ADGRG5: variants seen among roughly 807,000 people sequenced by gnomAD.
ADGRG5 encodes the protein adhesion G protein-coupled receptor G5.
ADGRG5 carries 37 observed loss-of-function variants against 53.2 expected under a neutral mutation model. The ratio of observed to expected loss-of-function variants is 0.70; its 90% CI spans 0.53 to 0.91. The LOEUF is 0.91. ADGRG5 is among the 40% of genes least tolerant of loss of function. ADGRG5 has a pLI of 0.00. For synonymous variants in ADGRG5, 277 were observed against 290.4 expected (o/e 0.95, Z 0.47); for missense variants, 614 against 675.8 (o/e 0.91, Z 1.01).
At position 57,563,312 on chromosome 16, in the gene ADGRG5, A is replaced by G. The variant is rs1353042120; in HGVS notation, c.297+65A>G. The G allele has an allele frequency of 4.9e-6, 7 of 1,436,250 alleles. No individual in the cohort carries two copies. The East Asian group carries it at 1.4e-4, about 28-fold the overall frequency. The allele number at this position is 1,436,250 out of a possible 1,614,324, so 89.0% of individuals were successfully genotyped here. On this transcript the variant is annotated intron_variant, in intron 4 of 11. Coordinates refer to ENST00000349457, the MANE Select transcript of ADGRG5 (RefSeq NM_001304376.3). ...GCCCTAGAAGTCCTCCAGGCATTTA[A>G]GGTCTGGACTTTCTTTAGGCTCCAC...
chr16:57,565,049 T>C lies in ADGRG5; in HGVS notation c.445T>C (p.Ser149Pro). 6.2e-7 allele frequency: 1 copy of C among 1,612,656 alleles called. No homozygotes were observed. The highest frequency in any genetic ancestry group is 1.1e-5 in the South Asian group (1 of 91,008). The stretch of plus-strand genomic sequence containing the variant: ...GCCCTTCCAGGATGAAAACAACTCA[T>C]CTCTGCTGAATAACTACGTCCTGGG... ...THFFKDENNS[S>P]LLNNYVLGAQ... is the part of the protein sequence containing the mutation. The change falls in exon 6 of 12, where the codon TCT (serine) becomes CCT (proline). Residue 149 changes from serine to proline, a missense_variant. By Grantham distance (74) the Ser-to-Pro change is moderately conservative (BLOSUM62 -1). Transcript: ENST00000349457.
chr16:57,562,850 G>A lies in ADGRG5; in HGVS notation c.141-241G>A, dbSNP rs1227671141. Among the ~76,000 whole-genome samples, 2 of 152,144 alleles carry A rather than the reference G, an allele frequency of 1.3e-5. 1 individual carries two copies. The highest frequency in any genetic ancestry group is 4.1e-4 in the South Asian group (2 of 4,826). ...TGGGAAGCTGTGAGGGAGCAGTCAG[G>A]GAAGGCTTCCTGGAGGAGGTGACAA... On this transcript the variant is annotated intron_variant, in intron 3 of 11. Transcript: ENST00000349457.
At chr16:57,540,573 G>A (rs2032475120), upstream of ADGRG5, among the ~76,000 whole-genome samples, 1 of 152,176 alleles carries the variant, frequency 6.6e-6, no homozygotes, top group Non-Finnish European at 1.5e-5. Flanking sequence ...TCCTGGAGGA[G>A]CAGGAGGCAG....
chr16:57,565,411 C>G, intron 6 of ADGRG5: 1 of 472,842 alleles, frequency 2.1e-6, no homozygotes, highest in Non-Finnish European at 3.7e-6. Context: ...CATGAAATGT[C>G]TAGAGGTGAT....
At chr16:57,565,008 C>G in intron 5 of ADGRG5, 26 bp from the exon 6 acceptor site, 1 of 1,428,466 alleles carries the variant, frequency 7.0e-7, no homozygotes, top group Non-Finnish European at 9.9e-7. Flanking sequence ...CCCCTCCACT[C>G]AGCCCTTCTC....
the ADGRG5 span, among the ~76,000 whole-genome samples, chr16:57,530,394 C>T: frequency 0.059 from 8,987 of 152,214 alleles, 818 homozygotes; most frequent in African/African-American, 0.2. Flanking sequence ...GGACATCACA[C>T]TTTTCCTTCC....
chr16:57,561,436 G>C (rs1040305630), intron 1 of ADGRG5, among the ~76,000 whole-genome samples: 1 of 151,964 alleles, frequency 6.6e-6, no homozygotes, highest in East Asian at 1.9e-4. Context: ...CATTTTGTTG[G>C]AGCACATCCT....
chr16:57,558,606 C>T (rs748927640), intron 1 of ADGRG5, among the ~76,000 whole-genome samples: 1 of 152,198 alleles, frequency 6.6e-6, no homozygotes, highest in African/African-American at 2.4e-5. Flanking sequence ...TCCTGTTTCT[C>T]CTCCAGTTTT....
Position 57,567,854 on chromosome 16 carries a change from A to G in ADGRG5, c.822-2A>G. ...CATGGAGGACCATTCTCTCACCTGC[A>G]GGAAGCAGAGTGACTCCTTAACACG... On this transcript the variant is annotated splice_acceptor_variant, in intron 8 of 11. Transcript: ENST00000349457. LOFTEE classifies it high-confidence loss of function. 6.2e-7 allele frequency: 1 copy of G among 1,606,738 alleles called. No individual in the cohort carries two copies. Among genetic ancestry groups the G allele is most frequent in the Non-Finnish European group, 8.5e-7 (1 of 1,178,328 alleles).
At chr16:57,544,061 T>C (rs1261370540) in intron 1 of ADGRG5, among the ~76,000 whole-genome samples, 1 of 152,162 alleles carries the variant, frequency 6.6e-6, no homozygotes, top group Non-Finnish European at 1.5e-5. Context: ...TCCTCATTTC[T>C]CTATTGGCCT....
At chr16:57,557,133 C>T (rs575706149) in intron 1 of ADGRG5, among the ~76,000 whole-genome samples, 29 of 152,162 alleles carry the variant, frequency 1.9e-4, no homozygotes, top group Non-Finnish European at 3.2e-4. Context: ...TGGTTTCGAA[C>T]CCCTGGGCTC....
chr16:57,530,938 G>A, the ADGRG5 span, among the ~76,000 whole-genome samples: 2 of 151,758 alleles, frequency 1.3e-5, no homozygotes, highest in African/African-American at 4.8e-5. Context: ...CGTGGCACCT[G>A]CTTCCCTGCC....
chr16:57,541,632 T>C (rs1223358436), upstream of ADGRG5, among the ~76,000 whole-genome samples: 3 of 152,190 alleles, frequency 2.0e-5, no homozygotes, highest in Non-Finnish European at 2.9e-5. Context: ...GGGGAGACCA[T>C]GTTAGGACCT....
At chr16:57,554,856 A>G (rs934038078) in intron 1 of ADGRG5, among the ~76,000 whole-genome samples, 8 of 152,102 alleles carry the variant, frequency 5.3e-5, no homozygotes, top group Non-Finnish European at 1.0e-4. Context: ...CATAAATATT[A>G]TGTTGTGTTT....
intron 2 of ADGRG5, 92 bp downstream of exon 2, chr16:57,562,249 A>G: frequency 1.4e-6 from 2 of 1,454,076 alleles, no homozygotes; most frequent in Non-Finnish European, 1.9e-6. Context: ...GGAGATTGAA[A>G]AGGGCCACTT....
intron 10 of ADGRG5, among the ~76,000 whole-genome samples, chr16:57,571,460 T>C (rs1453908434): frequency 1.3e-5 from 2 of 152,064 alleles, no homozygotes; most frequent in African/African-American, 4.8e-5. Flanking sequence ...GCGTGCTACA[T>C]AGGTGGGGCT....
At chr16:57,550,449 T>A (rs1347297979) in intron 1 of ADGRG5, among the ~76,000 whole-genome samples, 1 of 152,258 alleles carries the variant, frequency 6.6e-6, no homozygotes, top group Non-Finnish European at 1.5e-5. Flanking sequence ...GTGGCTTATC[T>A]TCTCGTTTTG....
At chr16:57,568,513 G>A (rs372778658) in intron 9 of ADGRG5, among the ~76,000 whole-genome samples, 13 of 122,512 alleles carry the variant, frequency 1.1e-4, no homozygotes, top group South Asian at 2.9e-4. Context: ...CACCACCATC[G>A]TCACCTCCTC....
intron 1 of ADGRG5, among the ~76,000 whole-genome samples, chr16:57,548,010 C>G (rs910127819): frequency 4.4e-4 from 67 of 151,364 alleles, no homozygotes; most frequent in Admixed American, 3.0e-3. Flanking sequence ...GGCCTCCCAG[C>G]GTGCTGGGAT....
Sources: allele counts gnomAD v4.1 joint callset (sites outside exome capture counted in the v4.1 genomes callset), GRCh38; gene constraint gnomAD v4.1.1; transcripts MANE v1.5; gene names NCBI Gene and HGNC (gene_info 2026-07-23, HGNC 2026-07-21).